Variants in NCOA6 observed in about 807,000 individuals in gnomAD.
The protein encoded by NCOA6 is NRC RAP250.
In NCOA6, 49 loss-of-function variants were observed where a neutral mutation model predicts 171.4. The observed-to-expected ratio is 0.29, with a 90% CI of 0.23 to 0.36. NCOA6 has a LOEUF of 0.36. Ranked by LOEUF, NCOA6 falls within the 10% of genes least tolerant of loss-of-function variation. The pLI is 1.00. For missense variants in NCOA6, 2,248 were observed against 2,554.5 expected (o/e 0.88, Z 2.59); for synonymous variants, 910 against 927.5 (o/e 0.98, Z 0.34).
intron 1 of NCOA6, among the ~76,000 whole-genome samples, chr20:34,810,350 T>C (rs1400697400): frequency 1.3e-5 from 2 of 152,192 alleles, no homozygotes; most frequent in Admixed American, 6.5e-5. Flanking sequence ...GTTGATATTA[T>C]TATACTTTTT....
At chr20:34,814,601 TG>T in intron 1 of NCOA6, among the ~76,000 whole-genome samples, 1 of 152,232 alleles carries the variant, frequency 6.6e-6, no homozygotes, top group East Asian at 1.9e-4. Context: ...AATTTTTTTT[TG>T]TTTTTTGAGA....
chr20:34,742,777 T>C lies in NCOA6; in HGVS notation c.3479A>G (p.Gln1160Arg). 6.2e-7 allele frequency: 1 copy of C among 1,614,190 alleles called. No homozygotes were observed. Among genetic ancestry groups the C allele is most frequent in the Non-Finnish European group, 8.5e-7 (1 of 1,180,020 alleles). The change falls in exon 11 of 15, where the codon CAG (glutamine) becomes CGG (arginine). Residue 1160 changes from glutamine to arginine, a missense_variant. Around this residue, in one of 7 missense-constraint regions of NCOA6, gnomAD observed 352 missense variants for 419.1 expected, o/e 0.84. Coordinates refer to ENST00000359003, the MANE Select transcript of NCOA6 (RefSeq NM_014071.5). Reference protein sequence around the residue: ...MPSHVVLPQNQLMMTGPKPGP... With the variant: ...MPSHVVLPQNRLMMTGPKPGP... ...AGGTTTTGGCCCTGTCATCATTAAC[T>C]GATTCTGGGGAAGTACTACATGTGA...
intron 1 of NCOA6, among the ~76,000 whole-genome samples, chr20:34,800,484 A>G (rs1568873478): frequency 2.6e-5 from 4 of 152,172 alleles, no homozygotes; most frequent in Admixed American, 2.0e-4. Flanking sequence ...GTTGACTACA[A>G]GAAACACACT....
intron 3 of NCOA6, among the ~76,000 whole-genome samples, chr20:34,781,860 G>A (rs2077523899): frequency 6.6e-6 from 1 of 151,956 alleles, no homozygotes; most frequent in Non-Finnish European, 1.5e-5. Flanking sequence ...AATAAATTTG[G>A]GTCTTGAGAA....
At chr20:34,746,386 C>T (rs1042984421) in intron 10 of NCOA6, among the ~76,000 whole-genome samples, 4 of 151,744 alleles carry the variant, frequency 2.6e-5, no homozygotes, top group Non-Finnish European at 4.4e-5. Flanking sequence ...ACTATAGGTG[C>T]GTGTCACCAC....
rs568782929 is a variant in NCOA6 at position 34,765,711 on chromosome 20, T to C, written c.514+2753A>G. ...GCATCTGGTGGGTAGAAGCCAGGGA[T>C]GCTACTAAACATCCCACAACACACA... On this transcript the variant is annotated intron_variant, in intron 5 of 14. Coordinates refer to ENST00000359003, the MANE Select transcript of NCOA6 (RefSeq NM_014071.5). 2.3e-4 allele frequency among the ~76,000 whole-genome samples: 35 copies of C among 152,262 alleles called. 1 individual carries two copies. The South Asian group carries it at 2.5e-3, about 11-fold the overall frequency.
intron 3 of NCOA6, 168 bp from the exon 4 acceptor site, chr20:34,776,616 C>T: frequency 1.3e-6 from 1 of 777,196 alleles, no homozygotes; most frequent in African/African-American, 1.7e-5. Flanking sequence ...CCTAGCTTTG[C>T]CACTTAGCAC....
chr20:34,775,256 CAA>C (rs1227195236), intron 4 of NCOA6, among the ~76,000 whole-genome samples: 1 of 151,808 alleles, frequency 6.6e-6, no homozygotes, highest in Non-Finnish European at 1.5e-5. Context: ...TGAATAATAC[CAA>C]GAGATAGCAG....
intron 1 of NCOA6, among the ~76,000 whole-genome samples, chr20:34,812,683 G>GA: frequency 6.6e-6 from 1 of 151,860 alleles, no homozygotes; most frequent in Non-Finnish European, 1.5e-5. Flanking sequence ...GCAACAAAGA[G>GA]AAAAAAAATT....
intron 1 of NCOA6, among the ~76,000 whole-genome samples, chr20:34,811,201 G>GTATATATACATATA (rs2078648415): frequency 3.7e-5 from 2 of 53,798 alleles, no homozygotes; most frequent in Non-Finnish European, 7.3e-5. Flanking sequence ...ACAACAACGT[G>GTATATATACATATA]TATATATATA....
Position 34,715,085 on chromosome 20 carries a change from C to G in NCOA6, c.*237G>C. 2.1e-6 allele frequency: 1 copy of G among 480,988 alleles called. No homozygotes were observed. The highest frequency in any genetic ancestry group is 3.8e-6 in the Non-Finnish European group (1 of 262,776). The allele number at this position is 480,988 out of a possible 1,614,324, so 29.8% of individuals were successfully genotyped here. On this transcript the variant is annotated 3_prime_UTR_variant, in exon 15 of 15. Transcript: ENST00000359003. ...AGTAACATTTATAATGGCATTAGCT[C>G]CTTTCAATACAAGACAACATTTTAG...
intron 1 of NCOA6, among the ~76,000 whole-genome samples, chr20:34,804,797 T>A (rs2078389838): frequency 6.6e-6 from 1 of 152,126 alleles, no homozygotes; most frequent in African/African-American, 2.4e-5. Flanking sequence ...ATCAGAGTAA[T>A]TAATTAGCAC....
rs1483858047 is a variant in NCOA6, at chr20:34,749,882, C to A, written c.2313G>T (p.Gly771=). 1.9e-6 allele frequency: 3 copies of A among 1,614,120 alleles called. No individual in the cohort carries two copies. The highest frequency in any genetic ancestry group is 1.1e-5 in the South Asian group (1 of 91,088). ...QMSGQMLPQQ[G]PVNNSPSQVM... ...CCTGAGATGGACTGTTGTTCACAGG[C>A]CCTTGCTGGGGCAGCATCTGTCCTG... The change falls in exon 9 of 15, where the codon GGG becomes GGT. Residue 771 remains glycine, a synonymous_variant. Coordinates refer to ENST00000359003, the MANE Select transcript of NCOA6 (RefSeq NM_014071.5).
chr20:34,745,634 G>A (rs1487205969), intron 10 of NCOA6, among the ~76,000 whole-genome samples: 3 of 152,068 alleles, frequency 2.0e-5, no homozygotes, highest in Non-Finnish European at 4.4e-5. Flanking sequence ...AAATAATGTC[G>A]CTCTCATTTT....
intron 3 of NCOA6, among the ~76,000 whole-genome samples, chr20:34,778,345 T>C (rs780260471): frequency 9.3e-4 from 142 of 152,136 alleles, no homozygotes; most frequent in Non-Finnish European, 1.6e-3. Flanking sequence ...TCCAAAATCA[T>C]AGAAACAGAT....
At chr20:34,754,055 TTTC>T (rs1277245318) in intron 8 of NCOA6, among the ~76,000 whole-genome samples, 2 of 152,236 alleles carry the variant, frequency 1.3e-5, no homozygotes, top group Non-Finnish European at 2.9e-5. Flanking sequence ...CTCTCCAAAA[TTTC>T]TTCTTTTTGC....
intron 5 of NCOA6, among the ~76,000 whole-genome samples, chr20:34,760,950 G>A (rs2076797944): frequency 1.3e-5 from 2 of 151,400 alleles, no homozygotes. Context: ...GCCAGGCACG[G>A]TGGCTGACAC....
At chr20:34,813,392 C>T (rs958344461) in intron 1 of NCOA6, among the ~76,000 whole-genome samples, 6 of 150,528 alleles carry the variant, frequency 4.0e-5, no homozygotes, top group Non-Finnish European at 3.0e-5. Flanking sequence ...CTTGAACCCA[C>T]GGGGCAGAGG....
chr20:34,757,117 T>C (rs2076663758), intron 7 of NCOA6, 103 bp downstream of exon 7: 1 of 1,266,372 alleles, frequency 7.9e-7, no homozygotes, highest in African/African-American at 1.5e-5. Context: ...AACCAAATAA[T>C]TATATCCTTA....
Sources: gnomAD v4.1 joint callset for allele counts (sites outside exome capture counted in the v4.1 genomes callset) on GRCh38, gnomAD v4.1.1 for gene constraint, gnomAD v4.1.1 regional missense constraint, MANE v1.5 for transcripts, NCBI Gene and HGNC (gene_info 2026-07-23, HGNC 2026-07-21) for gene names.